The following NRXN3 variants were observed in gnomAD, a reference collection of about 807,000 sequenced individuals.
NRXN3 encodes neurexin III.
NRXN3 carries 32 observed loss-of-function variants against 137.6 expected under a neutral mutation model. The ratio of observed to expected loss-of-function variants is 0.23; its 90% CI spans 0.18 to 0.31. The LOEUF (loss-of-function observed/expected upper bound fraction) is 0.31, where lower values mean the gene tolerates loss of function less well. NRXN3 is among the 10% of genes least tolerant of loss of function. The pLI, the probability that NRXN3 is intolerant of heterozygous loss-of-function variation, is 1.00. For synonymous variants in NRXN3, 798 were observed against 784.5 expected (o/e 1.02, Z -0.29); for missense variants, 1,574 against 2,062.5 (o/e 0.76, Z 4.59).
At chr14:78,648,336 C>T (rs953274997) in intron 5 of NRXN3, among the ~76,000 whole-genome samples, 3 of 152,158 alleles carry the variant, frequency 2.0e-5, no homozygotes, top group Admixed American at 6.5e-5. Context: ...ACTGAGGTTA[C>T]CAGTCTTCCA....
chr14:79,439,838 C>T (rs1213036119), intron 15 of NRXN3, among the ~76,000 whole-genome samples: 1 of 152,134 alleles, frequency 6.6e-6, no homozygotes, highest in Non-Finnish European at 1.5e-5. Flanking sequence ...TTTAACTCAG[C>T]AATCAATATA....
chr14:79,286,021 T>C (rs1425355946), intron 15 of NRXN3, among the ~76,000 whole-genome samples: 1 of 152,176 alleles, frequency 6.6e-6, no homozygotes, highest in Admixed American at 6.5e-5. Context: ...TAAGAGGTAA[T>C]GTTGTGTTTA....
intron 15 of NRXN3, among the ~76,000 whole-genome samples, chr14:79,379,448 A>G (rs2094401598): frequency 6.6e-6 from 1 of 152,172 alleles, no homozygotes; most frequent in African/African-American, 2.4e-5. Flanking sequence ...GGTTGTGCCC[A>G]TGTTCATATG....
chr14:78,277,475 G>A (rs1463519263), intron 2 of NRXN3, among the ~76,000 whole-genome samples: 1 of 152,164 alleles, frequency 6.6e-6, no homozygotes, highest in East Asian at 1.9e-4. Context: ...ATATTTTCTA[G>A]TCTGTGCCCC....
intron 15 of NRXN3, among the ~76,000 whole-genome samples, chr14:79,388,261 A>G (rs1328283210): frequency 2.6e-5 from 4 of 152,118 alleles, no homozygotes; most frequent in African/African-American, 9.7e-5. Flanking sequence ...AGATGCCAGC[A>G]TCATGTTTAT....
At chr14:79,193,048 C>T (rs1270350783) in intron 15 of NRXN3, among the ~76,000 whole-genome samples, 1 of 151,764 alleles carries the variant, frequency 6.6e-6, no homozygotes, top group African/African-American at 2.4e-5. Flanking sequence ...GGATTACAGG[C>T]GTGAGCCACC....
At chr14:78,624,389 T>G (rs908816866) in intron 4 of NRXN3, among the ~76,000 whole-genome samples, 5 of 152,220 alleles carry the variant, frequency 3.3e-5, no homozygotes, top group Non-Finnish European at 7.3e-5. Context: ...CACTGGGTGC[T>G]TATTAAGCAC....
At chr14:78,374,218 A>G (rs140260586) in intron 4 of NRXN3, among the ~76,000 whole-genome samples, 133 of 152,324 alleles carry the variant, frequency 8.7e-4, no homozygotes, top group Non-Finnish European at 6.2e-4. Flanking sequence ...ACAACTTCTG[A>G]AGTGCTATAG....
intron 4 of NRXN3, among the ~76,000 whole-genome samples, chr14:78,383,904 G>A (rs1355856393): frequency 6.6e-6 from 1 of 152,172 alleles, no homozygotes; most frequent in African/African-American, 2.4e-5. Flanking sequence ...TATCCCAGTA[G>A]CAGTACCTTT....
At chr14:79,839,635 G>GT (rs1568416978) in intron 20 of NRXN3, among the ~76,000 whole-genome samples, 1 of 152,058 alleles carries the variant, frequency 6.6e-6, no homozygotes. Context: ...TGTGCAGAAG[G>GT]TTTTTAACTT....
chr14:78,701,138 A>G (rs2098274199), intron 6 of NRXN3, among the ~76,000 whole-genome samples: 1 of 152,210 alleles, frequency 6.6e-6, no homozygotes, highest in Non-Finnish European at 1.5e-5. Context: ...TAAGTGGAAT[A>G]AAAGTCCTAA....
At chr14:78,658,984 A>G (rs1043952315) in intron 6 of NRXN3, among the ~76,000 whole-genome samples, 10 of 152,200 alleles carry the variant, frequency 6.6e-5, no homozygotes, top group Non-Finnish European at 1.2e-4. Flanking sequence ...TTGGCTTGTC[A>G]TGGGCTGAGT....
intron 9 of NRXN3, among the ~76,000 whole-genome samples, chr14:78,804,256 C>T (rs183475677): frequency 6.6e-6 from 1 of 152,238 alleles, no homozygotes; most frequent in Admixed American, 6.5e-5. Context: ...GGAAATTAAA[C>T]TTTGTGGGTA....
chr14:79,713,036 G>A (rs1262089042), intron 19 of NRXN3, among the ~76,000 whole-genome samples: 1 of 152,078 alleles, frequency 6.6e-6, no homozygotes, highest in African/African-American at 2.4e-5. Context: ...GCCTGGGAAG[G>A]ACTTGTATCT....
intron 17 of NRXN3, among the ~76,000 whole-genome samples, chr14:79,691,510 A>C (rs1024738345): frequency 6.6e-6 from 1 of 152,070 alleles, no homozygotes; most frequent in African/African-American, 2.4e-5. Flanking sequence ...CCTTATTTTT[A>C]AAAATGTGGA....
At chr14:78,668,482 C>A (rs1461973771) in intron 6 of NRXN3, among the ~76,000 whole-genome samples, 1 of 152,070 alleles carries the variant, frequency 6.6e-6, no homozygotes, top group Non-Finnish European at 1.5e-5. Flanking sequence ...TCTGGAGACT[C>A]TTTTAGTTGT....
intron 17 of NRXN3, among the ~76,000 whole-genome samples, chr14:79,680,329 G>C (rs2098663590): frequency 6.6e-6 from 1 of 152,094 alleles, no homozygotes; most frequent in Non-Finnish European, 1.5e-5. Flanking sequence ...AGGTTGCAGG[G>C]AGCTAAGATC....
intron 15 of NRXN3, among the ~76,000 whole-genome samples, chr14:79,239,849 C>T (rs919930915): frequency 6.6e-6 from 1 of 152,134 alleles, no homozygotes; most frequent in Non-Finnish European, 1.5e-5. Flanking sequence ...GAATTTCTGC[C>T]ATTTGCAGCA....
chr14:78,284,775 T>C (rs2074932267), intron 3 of NRXN3, among the ~76,000 whole-genome samples: 1 of 152,130 alleles, frequency 6.6e-6, no homozygotes, highest in African/African-American at 2.4e-5. Context: ...CCCTTTGTGC[T>C]TGCAGTCAAG....
Sources: gnomAD v4.1 joint callset for allele counts (sites outside exome capture counted in the v4.1 genomes callset) on GRCh38, gnomAD v4.1.1 for gene constraint, MANE v1.5 for transcripts, NCBI Gene and HGNC (gene_info 2026-07-23, HGNC 2026-07-21) for gene names.